The following EEF1D variants were observed in gnomAD, a reference collection of about 807,000 sequenced individuals.
The protein encoded by EEF1D is eukaryotic translation elongation factor 1 delta.
Under a neutral mutation model 63.9 loss-of-function variants are expected in EEF1D, and 47 were observed. The observed-to-expected ratio is 0.74, with a 90% CI of 0.58 to 0.94. EEF1D has a LOEUF of 0.94. EEF1D is among the 40% of genes least tolerant of loss of function. The pLI, the probability that EEF1D is intolerant of heterozygous loss-of-function variation, is 0.00. For synonymous variants in EEF1D, 412 were observed against 386.1 expected, an observed-to-expected ratio of 1.07 and a Z score of -0.79; for missense variants, 907 against 899.0, an observed-to-expected ratio of 1.01 and a Z score of -0.11.
rs1243358482 is a variant in EEF1D, at chr8:143,586,837, T to G, written c.1107A>C (p.Thr369=). 3 of 1,613,984 alleles carry G rather than the reference T, an allele frequency of 1.9e-6. No homozygotes were observed. The highest frequency in any genetic ancestry group is 1.7e-5 in the Admixed American group (1 of 60,028). ...SSLRPNRKMA[T]NFLAHEKIWF... ...AGATCTTCTCATGTGCTAGGAAGTT[T>G]GTAGCCATTTTTCTGCTGGGAGGGG... The change falls in exon 4 of 10, where the codon ACA becomes ACC. Residue 369 remains threonine (T), a synonymous_variant. Coordinates refer to ENST00000618139, the MANE Select transcript of EEF1D (RefSeq NM_001130053.5).
At chr8:143,590,480 C>G (rs1172157051) in intron 2 of EEF1D, 1 of 1,107,488 alleles carries the variant, frequency 9.0e-7, no homozygotes, top group African/African-American at 1.6e-5. Flanking sequence ...CTAGCTTTCC[C>G]TGCATTTTTC....
intron 5 of EEF1D, chr8:143,583,527 G>A (rs546396424): frequency 1.3e-5 from 2 of 152,398 alleles, no homozygotes; most frequent in South Asian, 4.1e-4. Context: ...TCTCATGTCT[G>A]CCTAGCCTGG....
chr8:143,581,437 G>A, intron 5 of EEF1D, 109 bp from the exon 6 acceptor site: 2 of 961,404 alleles, frequency 2.1e-6, no homozygotes, highest in Admixed American at 5.1e-5. Flanking sequence ...GCTCGGGAGA[G>A]CAGGAGGTGC....
At chr8:143,580,843 T>G in intron 7 of EEF1D, 116 bp from the exon 8 acceptor site, 1 of 1,295,528 alleles carries the variant, frequency 7.7e-7, no homozygotes, top group African/African-American at 1.4e-5. Flanking sequence ...GCAGCCCCTG[T>G]GTACCGCAGC....
Position 143,593,779 on chromosome 8 carries a change from G to A in EEF1D, c.-14-1119C>T, listed in dbSNP as rs1828357621. On this transcript the variant is annotated intron_variant, in intron 1 of 9. Coordinates refer to ENST00000618139, the MANE Select transcript of EEF1D (RefSeq NM_001130053.5). ...CCTGGGGAGCTGGCCACTAACAGCG[G>A]GCAGAGAGCCTCCCAGGACAGCCAG... 9.2e-6 allele frequency: 8 copies of A among 869,784 alleles called. 1 individual carries two copies. The highest frequency in any genetic ancestry group is 1.1e-5 in the Non-Finnish European group (8 of 723,642). 53.9% of individuals were successfully genotyped at this position (869,784 alleles called of 1,614,324 possible).
At chr8:143,583,147 C>T (rs777260257) in intron 5 of EEF1D, 2 of 152,230 alleles carry the variant, frequency 1.3e-5, no homozygotes, top group Non-Finnish European at 2.9e-5. Flanking sequence ...AATAAGAAGA[C>T]ATCAGGACAC....
rs775832590 is a variant in EEF1D at position 143,589,228 on chromosome 8, C to A, written c.854G>T (p.Gly285Val). The change falls in exon 3 of 10, where the codon GGG becomes GTG. Residue 285 changes from glycine to valine, a missense_variant. Transcript: ENST00000618139. ...RRDRRGRNIL[G>V]NKRAGLRRAD... ...CCGTCGCAGCCCGGCCCGCTTGTTC[C>A]CTAAGATGTTGCGGCCCCGCCGGTC... 1 of 1,579,000 alleles carries A rather than the reference C, an allele frequency of 6.3e-7. No individual in the cohort carries two copies. The highest frequency in any genetic ancestry group is 1.1e-5 in the South Asian group (1 of 87,972).
At chr8:143,590,904 A>G (rs2131189346) in intron 2 of EEF1D, 1 of 148,504 alleles carries the variant, frequency 6.7e-6, no homozygotes, top group Non-Finnish European at 1.5e-5. Flanking sequence ...AGGGGAAAAG[A>G]AAAAAAAAGA....
At chr8:143,584,379 T>G (rs542487402) in intron 5 of EEF1D, 37 of 137,466 alleles carry the variant, frequency 2.7e-4, no homozygotes, top group African/African-American at 9.8e-4. Flanking sequence ...GGCGAAACCC[T>G]GCCGCTACTA....
intron 1 of EEF1D, among the ~76,000 whole-genome samples, chr8:143,593,547 C>T (rs1010069112): frequency 6.6e-6 from 1 of 152,180 alleles, no homozygotes; most frequent in Non-Finnish European, 1.5e-5. Context: ...GCCCTGCCCA[C>T]CTCTGTGCAC....
At chr8:143,591,946 C>A (rs1214296135) in intron 2 of EEF1D, 2 of 799,190 alleles carry the variant, frequency 2.5e-6, no homozygotes, top group Non-Finnish European at 3.0e-6. Context: ...TCTTTGCGGG[C>A]ATGTGGCCCG....
chr8:143,580,326 C>A, intron 8 of EEF1D, 120 bp from the exon 9 acceptor site: 1 of 1,278,434 alleles, frequency 7.8e-7, no homozygotes, highest in East Asian at 2.5e-5. Flanking sequence ...AAAGGGCCCA[C>A]AGAAAACAAT....
rs369674762 is a variant in EEF1D at position 143,580,550 on chromosome 8, G to C, written c.1666C>G (p.Pro556Ala). The change falls in exon 8 of 10, where the codon CCT (proline) becomes GCT (alanine). Residue 556 changes from proline (P) to alanine (A), a missense_variant. Transcript: ENST00000618139. Reference sequence around the variant, plus strand: ...ATGGAGGACTTGGCCACCAGTGCAGGCTTCTTGGCCTTCTTCTCCGCGTAC... The same window carrying C: ...ATGGAGGACTTGGCCACCAGTGCAGCCTTCTTGGCCTTCTTCTCCGCGTAC... ...RQYAEKKAKK[P>A]ALVAKSSILL... 12 of 1,613,000 alleles carry C rather than the reference G, an allele frequency of 7.4e-6. No individual in the cohort carries two copies. The African/African-American group carries it at 1.1e-4, about 14-fold the overall frequency.
chr8:143,595,148 C>T (rs1353292225), intron 1 of EEF1D, among the ~76,000 whole-genome samples: 1 of 152,222 alleles, frequency 6.6e-6, no homozygotes, highest in Admixed American at 6.5e-5. Context: ...CAGCTCACTG[C>T]AACTTCCACC....
Position 143,589,272 on chromosome 8 carries a change from A to G in EEF1D, c.810T>C (p.Gly270=), listed in dbSNP as rs764523742. Residue 270 remains glycine, a synonymous_variant, in exon 3 of 10, where the codon GGT becomes GGC. Transcript: ENST00000618139. ...RLQERAGLAE[G]ARRGRRDRRG... ...GCCGGTCTCTGCGGCCCCGCCGGGC[A>G]CCCTCGGCCAGGCCGGCTCGCTCTT... is the stretch of plus-strand genomic sequence containing the variant. 1.5e-5 allele frequency: 24 copies of G among 1,586,934 alleles called. No homozygotes were observed. The highest frequency in any genetic ancestry group is 1.8e-5 in the Admixed American group (1 of 57,080).
rs773043601 is a variant in EEF1D at position 143,579,740 on chromosome 8, C to CT, written c.*51dup. Reference sequence around the variant, plus strand: ...ACGGAGCCAGAGGGCCGGTCTCAGTCTTTAATCGTGGCAGGGCCTCACGCA... The same window carrying CT: ...ACGGAGCCAGAGGGCCGGTCTCAGTCTTTTAATCGTGGCAGGGCCTCACGCA... On this transcript the variant is annotated 3_prime_UTR_variant, in exon 10 of 10. Transcript: ENST00000618139. 2.6e-6 allele frequency: 4 copies of CT among 1,511,142 alleles called. No individual in the cohort carries two copies. The highest frequency in any genetic ancestry group is 3.5e-6 in the Non-Finnish European group (4 of 1,128,676). 93.6% of individuals were successfully genotyped at this position (1,511,142 alleles called of 1,614,324 possible). A position where few individuals can be genotyped will look rare whatever the true frequency, so the allele number is the denominator to read the frequency against.
intron 4 of EEF1D, 52 bp downstream of exon 4, chr8:143,586,677 C>CT: frequency 6.3e-7 from 1 of 1,597,744 alleles, no homozygotes; most frequent in Non-Finnish European, 8.5e-7. Context: ...TGTGCCCCGG[C>CT]CACTCCTGTC....
In EEF1D at chr8:143,589,238, T is replaced by C. The variant is rs1392195838; in HGVS notation, c.844A>G (p.Asn282Asp). ...RRGRRDRRGR[N>D]ILGNKRAGLR... ...CCGGCCCGCTTGTTCCCTAAGATGT[T>C]GCGGCCCCGCCGGTCTCTGCGGCCC... Residue 282 changes from asparagine (N) to aspartate (D), a missense_variant, in exon 3 of 10, where the codon AAC becomes GAC. Transcript: ENST00000618139. 1.9e-6 allele frequency: 3 copies of C among 1,561,930 alleles called. No homozygotes were observed. Among genetic ancestry groups the C allele is most frequent in the East Asian group, 2.4e-5 (1 of 42,398 alleles).
chr8:143,584,691 G>A (rs1452494055), intron 5 of EEF1D, among the ~76,000 whole-genome samples: 3 of 118,676 alleles, frequency 2.5e-5, no homozygotes, highest in African/African-American at 8.5e-5. Flanking sequence ...GAGAAAACAC[G>A]TCATCTTCTA....
Sources: allele counts gnomAD v4.1 joint callset (sites outside exome capture counted in the v4.1 genomes callset), GRCh38; gene constraint gnomAD v4.1.1; transcripts MANE v1.5; gene names NCBI Gene and HGNC (gene_info 2026-07-23, HGNC 2026-07-21).